The following CC2D1A variants were observed in gnomAD, a reference collection of about 807,000 sequenced individuals.
CC2D1A encodes coiled-coil and C2 domain containing 1A.
A neutral mutation model predicts 123.8 loss-of-function variants in CC2D1A; 68 were observed. The observed-to-expected ratio is 0.55, with a 90% CI of 0.45 to 0.67. The LOEUF is 0.67. Ranked by LOEUF, CC2D1A falls within the 30% of genes least tolerant of loss-of-function variation. The pLI, the probability that CC2D1A is intolerant of heterozygous loss-of-function variation, is 0.00. For missense variants in CC2D1A, 1,185 were observed against 1,290.3 expected, an observed-to-expected ratio of 0.92 and a Z score of 1.25; for synonymous variants, 477 against 528.0, an observed-to-expected ratio of 0.90 and a Z score of 1.32.
At chr19:13,908,136 G>C (rs2145289298) in intron 1 of CC2D1A, among the ~76,000 whole-genome samples, 1 of 152,170 alleles carries the variant, frequency 6.6e-6, no homozygotes, top group Middle Eastern at 3.4e-3. Context: ...CTCCCGAGTA[G>C]CTGGGATTAC....
At position 13,919,970 on chromosome 19, in the gene CC2D1A, G is replaced by C; in HGVS notation, c.1356+19G>C. 1 of 1,604,464 alleles carries C rather than the reference G, an allele frequency of 6.2e-7. No individual in the cohort carries two copies. Among genetic ancestry groups the C allele is most frequent in the Middle Eastern group, 2.0e-4 (1 of 5,066 alleles). ...TAAGAAGGTTTGAGGGTTGGGGCCG[G>C]GCGCAGTGGCTCACACCTGTAGTCC... On this transcript the variant is annotated intron_variant, in intron 12 of 28. Transcript: ENST00000318003.
chr19:13,929,591 C>A lies in CC2D1A; in HGVS notation c.2641C>A (p.Gln881Lys), dbSNP rs766112931. ...PVPPEVAQQY[Q>K]DIMQRSQWQR... ...GCCCCCAGAAGTGGCCCAGCAGTAC[C>A]AGGACATCATGCAACGCAGCCAGTG... Residue 881 changes from glutamine to lysine, a missense_variant, in exon 26 of 29, where the codon CAG becomes AAG. By Grantham distance (53) the Gln-to-Lys change is moderately conservative. Transcript: ENST00000318003. 1 of 1,605,350 alleles carries A rather than the reference C, an allele frequency of 6.2e-7. No individual in the cohort carries two copies. Among genetic ancestry groups the A allele is most frequent in the South Asian group, 1.1e-5 (1 of 90,550 alleles).
intron 2 of CC2D1A, among the ~76,000 whole-genome samples, chr19:13,911,706 A>ATTTTTT (rs1055273535): frequency 2.3e-5 from 2 of 88,552 alleles, no homozygotes; most frequent in Non-Finnish European, 4.1e-5. Flanking sequence ...TGCCCAGCTA[A>ATTTTTT]TTTTTTTTTT....
chr19:13,927,647 G>A (rs569761207), intron 22 of CC2D1A: 37 of 505,528 alleles, frequency 7.3e-5, no homozygotes, highest in South Asian at 4.0e-4. Flanking sequence ...GCATGGTGGC[G>A]GGCGCCTGTA....
At chr19:13,925,569 T>C (rs1335813282) in intron 17 of CC2D1A, among the ~76,000 whole-genome samples, 1 of 149,856 alleles carries the variant, frequency 6.7e-6, no homozygotes, top group Non-Finnish European at 1.5e-5. Context: ...AGAGTGAGAC[T>C]GTCTCAAAAA....
At position 13,918,132 on chromosome 19, in the gene CC2D1A, G is replaced by A. The variant is rs763752291; in HGVS notation, c.811G>A (p.Ala271Thr). The A allele has an allele frequency of 4.3e-6, 7 of 1,611,306 alleles. No homozygotes were observed. The highest frequency in any genetic ancestry group is 1.1e-5 in the South Asian group (1 of 90,882). The change falls in exon 7 of 29, where the codon GCC (alanine) becomes ACC (threonine). Residue 271 changes from alanine to threonine, a missense_variant. Transcript: ENST00000318003. ...QSRQRDYKLA[A>T]LHAKQQGDTT... ...CCGCCAGCGCGACTACAAGCTGGCT[G>A]CCCTCCACGCCAAGCAGCAGGGAGA...
chr19:13,906,456 AGGACCCCCG>A lies in CC2D1A; in HGVS notation c.27_35del (p.Pro10_Gly12del), dbSNP rs1028125077. The A allele has an allele frequency of 9.9e-5, 150 of 1,517,190 alleles. No individual in the cohort carries two copies. Among genetic ancestry groups the A allele is most frequent in the Non-Finnish European group, 1.3e-4 (142 of 1,134,628 alleles). 94.0% of individuals were successfully genotyped at this position (1,517,190 alleles called of 1,614,324 possible). ...CAGCCTTGAAGATGCACAAGAGGAA[AGGACCCCCG>A]GGACCCCCGGGCAGAGGCGCCGCGG... is the stretch of plus-strand genomic sequence containing the variant. On this transcript the variant is annotated inframe_deletion, in exon 1 of 29. Coordinates refer to ENST00000318003, the MANE Select transcript of CC2D1A (RefSeq NM_017721.5). This position sits in a 1 kb window ranked among gnomAD's most constrained non-coding sequence, Gnocchi z 4.1.
Position 13,912,613 on chromosome 19 carries a change from A to G in CC2D1A, c.378+20A>G. 1 of 1,612,464 alleles carries G rather than the reference A, an allele frequency of 6.2e-7. No individual in the cohort carries two copies. The highest frequency in any genetic ancestry group is 8.5e-7 in the Non-Finnish European group (1 of 1,179,232). ...GCCCAGGTACAGTTTGGATGACTCC[A>G]CTCCCTTGAACCACAACCCAACGGA... is the stretch of plus-strand genomic sequence containing the variant. On this transcript the variant is annotated intron_variant, in intron 4 of 28. Coordinates refer to ENST00000318003, the MANE Select transcript of CC2D1A (RefSeq NM_017721.5).
chr19:13,918,402 G>A (rs772061822), intron 7 of CC2D1A, 102 bp from the exon 8 acceptor site: 3 of 1,210,836 alleles, frequency 2.5e-6, no homozygotes, highest in South Asian at 1.5e-5. Context: ...TGGAAGGGAG[G>A]GAGCTAGAAG....
intron 2 of CC2D1A, among the ~76,000 whole-genome samples, chr19:13,911,517 G>T (rs1568404362): frequency 1.3e-5 from 2 of 149,298 alleles, no homozygotes; most frequent in Non-Finnish European, 1.5e-5. Flanking sequence ...CAGAGCTGGG[G>T]TTTTTTTTGT....
intron 12 of CC2D1A, 175 bp from the exon 13 acceptor site, chr19:13,920,381 GA>G (rs60377105): frequency 0.35 from 174,213 of 502,576 alleles, 7,676 homozygotes; most frequent in African/African-American, 0.51. Context: ...TCTCAAAAAA[GA>G]AAAAAAAAAA....
At chr19:13,926,632 C>T (rs1971651713) in intron 18 of CC2D1A, 35 bp from the exon 19 acceptor site, 5 of 1,614,046 alleles carry the variant, frequency 3.1e-6, no homozygotes, top group African/African-American at 1.3e-5. Context: ...TGGGGACCCC[C>T]TCTCTGCCCA....
chr19:13,921,722 A>G (rs1319234189), intron 14 of CC2D1A, among the ~76,000 whole-genome samples: 2 of 152,174 alleles, frequency 1.3e-5, no homozygotes, highest in African/African-American at 4.8e-5. Flanking sequence ...CACTGGAGAC[A>G]TGGCCTTGAG....
At chr19:13,910,094 AAG>A in intron 2 of CC2D1A, 136 bp downstream of exon 2, 1 of 838,632 alleles carries the variant, frequency 1.2e-6, no homozygotes, top group Non-Finnish European at 1.7e-6. Flanking sequence ...TGATCTGGGT[AAG>A]AGAGTCAAGA....
intron 1 of CC2D1A, 60 bp from the exon 2 acceptor site, chr19:13,909,763 T>C (rs1284550786): frequency 1.2e-6 from 2 of 1,609,828 alleles, no homozygotes; most frequent in African/African-American, 2.7e-5. Flanking sequence ...CTGGCCATCA[T>C]GGCTGCCTCT....
At position 13,919,762 on chromosome 19, in the gene CC2D1A, G is replaced by A. The variant is rs1465331194; in HGVS notation, c.1223-56G>A. On this transcript the variant is annotated intron_variant, in intron 11 of 28. Transcript: ENST00000318003. The stretch of plus-strand genomic sequence containing the variant: ...AGGAATCTGCATCTCCACCATAATG[G>A]TGTGAGTTGGTCTCCATCCTGACAC... 2.2e-5 allele frequency: 34 copies of A among 1,525,502 alleles called. No homozygotes were observed. In the Admixed American group the frequency reaches 6.6e-4, roughly 30 times the overall value. The allele number at this position is 1,525,502 out of a possible 1,614,324, so 94.5% of individuals were successfully genotyped here. A position where few individuals can be genotyped will look rare whatever the true frequency, so the allele number is the denominator to read the frequency against.
rs748720593 is a variant in CC2D1A at position 13,920,654 on chromosome 19, C to G, written c.1454C>G (p.Ala485Gly). 113 of 1,609,680 alleles carry G rather than the reference C, an allele frequency of 7.0e-5. No homozygotes were observed. Among genetic ancestry groups the G allele is most frequent in the Non-Finnish European group, 9.1e-5 (107 of 1,177,772 alleles). ...CCAACAGCCAAAGCGCCCCCCAAAG[C>G]CACATCCACCAGAGGTAAGTTCCCC... Reference protein sequence around the residue: ...SAPTAKAPPKATSTRAQQQLA... With the variant: ...SAPTAKAPPKGTSTRAQQQLA... The change falls in exon 13 of 29, where the codon GCC becomes GGC. Residue 485 changes from alanine (A) to glycine (G), a missense_variant. Transcript: ENST00000318003.
chr19:13,925,984 A>ATG, intron 17 of CC2D1A, among the ~76,000 whole-genome samples: 1 of 134,526 alleles, frequency 7.4e-6, no homozygotes, highest in African/African-American at 3.2e-5. Context: ...GTGTATATAT[A>ATG]TATACATATA....
intron 19 of CC2D1A, 42 bp downstream of exon 19, chr19:13,926,767 G>A (rs1424394142): frequency 2.5e-6 from 4 of 1,613,868 alleles, no homozygotes; most frequent in African/African-American, 2.7e-5. Flanking sequence ...AGCCTCAGTG[G>A]GCCAAAGCCA....
Sources: allele counts gnomAD v4.1 joint callset (sites outside exome capture counted in the v4.1 genomes callset), GRCh38; gene constraint gnomAD v4.1.1; non-coding constraint Gnocchi (gnomAD v3.1); transcripts MANE v1.5; gene names NCBI Gene and HGNC (gene_info 2026-07-23, HGNC 2026-07-21).